The following CCDC3 variants were observed in gnomAD, a reference collection of about 807,000 sequenced individuals.
The protein encoded by CCDC3 is coiled-coil domain containing 3.
Under a neutral mutation model 21.4 loss-of-function variants are expected in CCDC3, and 24 were observed. That is an observed-to-expected ratio of 1.12 (90% CI 0.81 to 1.58). The LOEUF (loss-of-function observed/expected upper bound fraction) is 1.58. Among genes scored for constraint, CCDC3 ranks in the 40% most tolerant of loss-of-function variants. The pLI is 0.00. For missense variants in CCDC3, 425 were observed against 360.9 expected, an observed-to-expected ratio of 1.18 and a Z score of -1.44; for synonymous variants, 186 against 166.0, an observed-to-expected ratio of 1.12 and a Z score of -0.93.
At chr10:12,926,887 T>C (rs893990314) in intron 2 of CCDC3, among the ~76,000 whole-genome samples, 8 of 152,286 alleles carry the variant, frequency 5.3e-5, no homozygotes, top group African/African-American at 1.9e-4. Context: ...TAATCATAAA[T>C]GTGTATACCC....
intron 3 of CCDC3, among the ~76,000 whole-genome samples, chr10:13,090,034 GATATATAT>G (rs66476163): frequency 0.047 from 6,053 of 128,926 alleles, 297 homozygotes; most frequent in South Asian, 0.13. Flanking sequence ...TATTCCGTTA[GATATATAT>G]ATATATATAT....
intron 2 of CCDC3, among the ~76,000 whole-genome samples, chr10:12,937,235 AT>A (rs1468443088): frequency 6.6e-6 from 1 of 151,764 alleles, no homozygotes; most frequent in Admixed American, 6.6e-5. Flanking sequence ...GTGACCCTGT[AT>A]TTTCCCGTTT....
intron 5 of CCDC3, among the ~76,000 whole-genome samples, chr10:13,030,395 T>A (rs1317916476): frequency 1.3e-5 from 2 of 152,076 alleles, no homozygotes; most frequent in African/African-American, 4.8e-5. Flanking sequence ...ACATGCCAAA[T>A]TGTAAAGACC....
intron 2 of CCDC3, among the ~76,000 whole-genome samples, chr10:12,968,498 C>CA (rs1228241578): frequency 6.6e-6 from 1 of 152,140 alleles, no homozygotes; most frequent in Non-Finnish European, 1.5e-5. Flanking sequence ...GAGAGTTCTT[C>CA]AAGCTGAAAG....
chr10:12,947,796 ACTTC>A (rs1834939229), intron 2 of CCDC3, among the ~76,000 whole-genome samples: 1 of 152,222 alleles, frequency 6.6e-6, no homozygotes. Flanking sequence ...CAGTGGATTG[ACTTC>A]CTTTAAGTCC....
At chr10:13,058,256 G>A in intron 4 of CCDC3, 1 of 1,378,300 alleles carries the variant, frequency 7.3e-7, no homozygotes, top group Non-Finnish European at 1.0e-6. Flanking sequence ...GCAGGTAAAG[G>A]CACCTGGCTG....
rs75467359 is a variant in CCDC3, at chr10:12,950,093, C to T, written c.549+48245G>A. Among the ~76,000 whole-genome samples, 460 of 152,302 alleles carry T rather than the reference C, an allele frequency of 3.0e-3. 13 individuals are homozygous for T. In the East Asian group the frequency reaches 0.057, roughly 19 times the overall value. The stretch of plus-strand genomic sequence containing the variant: ...CCTTCACTCTGGCCATGCCCCCAGC[C>T]TCCCATTCCCTTTCCTGCATCTACT... On this transcript the variant is annotated intron_variant, in intron 2 of 2. Coordinates refer to ENST00000378825, the MANE Select transcript of CCDC3 (RefSeq NM_031455.4).
At chr10:12,915,697 C>G (rs1834342588) in intron 2 of CCDC3, among the ~76,000 whole-genome samples, 1 of 152,170 alleles carries the variant, frequency 6.6e-6, no homozygotes, top group South Asian at 2.1e-4. Context: ...CTACTGGAGC[C>G]TTTGGGTAGG....
chr10:12,921,297 C>G (rs1834446561), intron 2 of CCDC3, among the ~76,000 whole-genome samples: 1 of 152,140 alleles, frequency 6.6e-6, no homozygotes, highest in Admixed American at 6.5e-5. Flanking sequence ...AGAAGGTAAC[C>G]TTTTGACTTG....
At chr10:13,051,059 G>A (rs1836600274) in intron 4 of CCDC3, among the ~76,000 whole-genome samples, 1 of 152,144 alleles carries the variant, frequency 6.6e-6, no homozygotes, top group South Asian at 2.1e-4. Context: ...TCAAAGTGTT[G>A]GGATCATAGG....
At chr10:12,909,496 C>A (rs1176277965) in intron 2 of CCDC3, among the ~76,000 whole-genome samples, 1 of 152,168 alleles carries the variant, frequency 6.6e-6, no homozygotes, top group African/African-American at 2.4e-5. Flanking sequence ...CACTGTGTCC[C>A]CCATCAGCTC....
intron 2 of CCDC3, among the ~76,000 whole-genome samples, chr10:12,989,109 G>A (rs1835642262): frequency 1.3e-5 from 2 of 152,180 alleles, no homozygotes; most frequent in Admixed American, 6.5e-5. Context: ...GGTCTTCATA[G>A]CCCCCTACAA....
intron 2 of CCDC3, among the ~76,000 whole-genome samples, chr10:12,901,978 C>T (rs1470024525): frequency 1.3e-5 from 2 of 152,188 alleles, no homozygotes; most frequent in Non-Finnish European, 2.9e-5. Flanking sequence ...TTTCACGATG[C>T]TTTCCACCGG....
chr10:12,986,643 G>A (rs549148275), intron 2 of CCDC3, among the ~76,000 whole-genome samples: 227 of 151,976 alleles, frequency 1.5e-3, no homozygotes, highest in Middle Eastern at 0.01. Context: ...GCGTGGTGGC[G>A]GACGCCTGTA....
intron 5 of CCDC3, among the ~76,000 whole-genome samples, chr10:13,048,128 A>T (rs1190711731): frequency 1.3e-5 from 2 of 152,188 alleles, no homozygotes; most frequent in East Asian, 3.9e-4. Flanking sequence ...AACAAAAGAA[A>T]AGGTAGCTTC....
At chr10:13,047,080 C>G (rs1381396142) in intron 5 of CCDC3, among the ~76,000 whole-genome samples, 1 of 152,030 alleles carries the variant, frequency 6.6e-6, no homozygotes, top group African/African-American at 2.4e-5. Flanking sequence ...GCAGCTGTTA[C>G]GAAAGAGGAG....
intron 2 of CCDC3, among the ~76,000 whole-genome samples, chr10:12,926,037 A>C (rs1297546042): frequency 6.6e-6 from 1 of 152,236 alleles, no homozygotes; most frequent in Non-Finnish European, 1.5e-5. Context: ...GGGTAGGAGC[A>C]GAGGGACTGC....
intron 5 of CCDC3, among the ~76,000 whole-genome samples, chr10:13,011,942 C>T (rs504545): frequency 0.8 from 121,600 of 152,132 alleles, 49,669 homozygotes; most frequent in Non-Finnish European, 0.88. Flanking sequence ...AAACAAGCAA[C>T]GGGAAAAGGA....
intron 2 of CCDC3, among the ~76,000 whole-genome samples, chr10:12,928,473 G>A (rs1176878610): frequency 1.3e-5 from 2 of 152,194 alleles, no homozygotes; most frequent in Admixed American, 6.5e-5. Flanking sequence ...TTGAAGAAGT[G>A]AACCAATACC....
Sources: allele counts gnomAD v4.1 joint callset (sites outside exome capture counted in the v4.1 genomes callset), GRCh38; gene constraint gnomAD v4.1.1; transcripts MANE v1.5; gene names NCBI Gene and HGNC (gene_info 2026-07-23, HGNC 2026-07-21).